Variants in PHF14 observed in about 807,000 individuals in gnomAD.
The protein encoded by PHF14 is PHD finger protein 14.
A neutral mutation model predicts 117.9 loss-of-function variants in PHF14; 55 were observed. The ratio of observed to expected loss-of-function variants is 0.47; its 90% confidence interval spans 0.38 to 0.58. The LOEUF (loss-of-function observed/expected upper bound fraction) is 0.58, where lower values mean the gene tolerates loss of function less well. Ranked by LOEUF, PHF14 falls within the 20% of genes least tolerant of loss-of-function variation. The pLI, the probability that PHF14 is intolerant of heterozygous loss-of-function variation, is 0.00. For synonymous variants in PHF14, 409 were observed against 368.6 expected (o/e 1.11, Z -1.26); for missense variants, 978 against 1,122.2 (o/e 0.87, Z 1.84).
At chr7:11,161,395 T>C (rs1466324243) in intron 17 of PHF14, among the ~76,000 whole-genome samples, 3 of 152,140 alleles carry the variant, frequency 2.0e-5, no homozygotes, top group Admixed American at 2.0e-4. Context: ...AATTCATGAT[T>C]ATTGCTTATA....
chr7:11,101,127 T>A (rs1204105597), intron 16 of PHF14, among the ~76,000 whole-genome samples: 1 of 151,914 alleles, frequency 6.6e-6, no homozygotes, highest in Non-Finnish European at 1.5e-5. Context: ...TATTCTAGCT[T>A]ATTTTAGTGA....
At chr7:11,049,868 C>A (rs1784794338) in intron 13 of PHF14, among the ~76,000 whole-genome samples, 1 of 152,062 alleles carries the variant, frequency 6.6e-6, no homozygotes, top group Non-Finnish European at 1.5e-5. Context: ...AATCTGACAA[C>A]CTAGGGGATA....
In PHF14 at chr7:11,130,674, T is replaced by C. The variant is rs1259738090; in HGVS notation, c.2772+19207T>C. On this transcript the variant is annotated intron_variant, in intron 17 of 17. Transcript: ENST00000634607. The surrounding 1 kb of genome is among the most constrained non-coding windows in gnomAD (Gnocchi z 4.2). ...TTGATGAGCCAGTATTGATACATTA[T>C]TATTAACTAAAGTTTGTTGTTTACA... Among the ~76,000 whole-genome samples the C allele has an allele frequency of 1.3e-5, 2 of 152,020 alleles. No homozygotes were observed. Among genetic ancestry groups the C allele is most frequent in the Non-Finnish European group, 2.9e-5 (2 of 67,950 alleles).
chr7:10,978,361 C>G (rs1328950931), intron 2 of PHF14, among the ~76,000 whole-genome samples: 1 of 152,078 alleles, frequency 6.6e-6, no homozygotes, highest in African/African-American at 2.4e-5. Context: ...TAGTTCAAGT[C>G]TTTAATAGGA....
intron 17 of PHF14, among the ~76,000 whole-genome samples, chr7:11,133,125 C>A (rs1249109558): frequency 6.6e-6 from 1 of 151,886 alleles, no homozygotes; most frequent in African/African-American, 2.4e-5. Flanking sequence ...GATGTCAGTT[C>A]TTTTCAACTT....
chr7:11,125,761 A>G (rs1787911058), intron 17 of PHF14, among the ~76,000 whole-genome samples: 1 of 152,034 alleles, frequency 6.6e-6, no homozygotes, highest in East Asian at 1.9e-4. Context: ...CATATGATAA[A>G]TCTAATCTCT....
At chr7:11,087,143 C>T (rs1786442521) in intron 16 of PHF14, among the ~76,000 whole-genome samples, 1 of 151,716 alleles carries the variant, frequency 6.6e-6, no homozygotes, top group Admixed American at 6.6e-5. Flanking sequence ...TTGAGAACTC[C>T]TAATTTAGCT....
At chr7:11,002,922 G>A (rs1403428937) in intron 4 of PHF14, among the ~76,000 whole-genome samples, 1 of 151,912 alleles carries the variant, frequency 6.6e-6, no homozygotes, top group African/African-American at 2.4e-5. Context: ...TCTTGCTCCA[G>A]CTCTTCTACT....
At chr7:11,084,373 G>A (rs1786292302) in intron 16 of PHF14, among the ~76,000 whole-genome samples, 1 of 152,064 alleles carries the variant, frequency 6.6e-6, no homozygotes, top group African/African-American at 2.4e-5. Context: ...TCCCTTTGAG[G>A]GCACAGAATT....
intron 16 of PHF14, among the ~76,000 whole-genome samples, chr7:11,078,723 AT>A (rs1785962326): frequency 2.0e-5 from 3 of 152,146 alleles, no homozygotes; most frequent in South Asian, 2.1e-4. Context: ...TTATTTATAT[AT>A]TTTTTAGACT....
At chr7:11,027,780 G>T (rs1390753046) in intron 6 of PHF14, among the ~76,000 whole-genome samples, 1 of 151,952 alleles carries the variant, frequency 6.6e-6, no homozygotes, top group Non-Finnish European at 1.5e-5. Flanking sequence ...GATTTTCTCT[G>T]GTCTCTTGTT....
At chr7:10,982,308 T>TTGTG in intron 2 of PHF14, 64 bp from the exon 3 acceptor site, 2 of 977,622 alleles carry the variant, frequency 2.0e-6, no homozygotes, top group Non-Finnish European at 2.9e-6. Context: ...TGTGTCAGCG[T>TTGTG]TGTGTGTGTG....
chr7:11,124,475 A>G (rs113510496), intron 17 of PHF14, among the ~76,000 whole-genome samples: 14 of 152,208 alleles, frequency 9.2e-5, no homozygotes, highest in African/African-American at 2.6e-4. Flanking sequence ...AAAGTATCAT[A>G]CTAATAATAA....
intron 16 of PHF14, chr7:11,105,445 A>G (rs796369695): frequency 1.0e-6 from 1 of 966,486 alleles, no homozygotes; most frequent in East Asian, 1.1e-4. Flanking sequence ...CAATATGAGA[A>G]TATTTCATGA....
At chr7:10,980,059 ATAAT>A (rs932742051) in intron 2 of PHF14, among the ~76,000 whole-genome samples, 29 of 152,150 alleles carry the variant, frequency 1.9e-4, no homozygotes, top group African/African-American at 6.0e-4. Flanking sequence ...ATTTGAAAAA[ATAAT>A]TAATTAATTG....
chr7:11,082,762 T>C (rs1348233056), intron 16 of PHF14, among the ~76,000 whole-genome samples: 1 of 152,228 alleles, frequency 6.6e-6, no homozygotes, highest in Non-Finnish European at 1.5e-5. Flanking sequence ...AGCCTCTCTT[T>C]AGTCTCAGCC....
chr7:10,988,146 C>G (rs770268426), intron 3 of PHF14, among the ~76,000 whole-genome samples: 1 of 151,630 alleles, frequency 6.6e-6, no homozygotes, highest in African/African-American at 2.4e-5. Context: ...AATATTTTAT[C>G]TCTAGTTTTC....
In PHF14 at chr7:11,036,594, T is replaced by C; in HGVS notation, c.1779T>C (p.Phe593=). 1 of 1,613,812 alleles carries C rather than the reference T, an allele frequency of 6.2e-7. No homozygotes were observed. Among genetic ancestry groups the C allele is most frequent in the African/African-American group, 1.3e-5 (1 of 75,004 alleles). The stretch of plus-strand genomic sequence containing the variant: ...TCATGGGGATCAGTACAGATATCTT[T>C]CCAGTGGACAATTCAGATACTAGTT... The part of the protein sequence containing the change: ...AELMGISTDI[F]PVDNSDTSSS... Residue 593 remains phenylalanine, a synonymous_variant, in exon 9 of 18, where the codon TTT becomes TTC. Transcript: ENST00000634607.
intron 16 of PHF14, among the ~76,000 whole-genome samples, chr7:11,080,065 A>G (rs565626109): frequency 6.6e-6 from 1 of 152,306 alleles, no homozygotes; most frequent in South Asian, 2.1e-4. Flanking sequence ...TTTACTACGA[A>G]TGAATGTCAT....
Sources: gnomAD v4.1 joint callset for allele counts (sites outside exome capture counted in the v4.1 genomes callset) on GRCh38, gnomAD v4.1.1 for gene constraint, Gnocchi (gnomAD v3.1) non-coding constraint, MANE v1.5 for transcripts, NCBI Gene and HGNC (gene_info 2026-07-23, HGNC 2026-07-21) for gene names.